Variants in TRERF1 observed in about 807,000 individuals in gnomAD.
TRERF1 encodes the protein transcriptional-regulating factor 1.
TRERF1 carries 27 observed loss-of-function variants against 122.9 expected under a neutral mutation model. That is an observed-to-expected ratio of 0.22 (90% confidence interval 0.16 to 0.30). The LOEUF (loss-of-function observed/expected upper bound fraction) is 0.30, where lower values mean the gene tolerates loss of function less well. Ranked by LOEUF, TRERF1 falls within the 10% of genes least tolerant of loss-of-function variation. TRERF1 has a pLI of 1.00. For synonymous variants in TRERF1, 636 were observed against 641.7 expected (o/e 0.99, Z 0.13); for missense variants, 1,248 against 1,560.3 (o/e 0.80, Z 3.37).
At chr6:42,281,568 G>A (rs1244269138) in intron 4 of TRERF1, among the ~76,000 whole-genome samples, 1 of 152,172 alleles carries the variant, frequency 6.6e-6, no homozygotes, top group Non-Finnish European at 1.5e-5. Context: ...TATCAACCCT[G>A]TGTGCATGGT....
Position 42,262,471 on chromosome 6 carries a change from GA to G in TRERF1, c.1884+848del, listed in dbSNP as rs1778243469. Among the ~76,000 whole-genome samples the G allele has an allele frequency of 2.0e-3, 4 of 1,954 alleles. 1 individual carries two copies. Among genetic ancestry groups the G allele is most frequent in the African/African-American group, 8.3e-3 (4 of 484 alleles). The allele number at this position is 1,954 out of a possible 152,430, so 1.3% of individuals were successfully genotyped here. ...GAGAGAGAGAGAGAGAGAGAGGAGA[GA>G]GAGAGAGAGAGAGAGAGAGAGAGAG... On this transcript the variant is annotated intron_variant, in intron 8 of 17. Transcript: ENST00000372922.
At chr6:42,246,765 T>C (rs2149628216) in intron 13 of TRERF1, among the ~76,000 whole-genome samples, 1 of 152,368 alleles carries the variant, frequency 6.6e-6, no homozygotes, top group African/African-American at 2.4e-5. Flanking sequence ...TTACTTATCC[T>C]AAGCCTGTTT....
chr6:42,287,148 G>C (rs1266663250), intron 4 of TRERF1, among the ~76,000 whole-genome samples: 1 of 116,258 alleles, frequency 8.6e-6, no homozygotes, highest in African/African-American at 3.2e-5. Flanking sequence ...GTTGTGGGGT[G>C]GGGGGAGGGG....
At chr6:42,330,526 T>C (rs59270839) in intron 3 of TRERF1, among the ~76,000 whole-genome samples, 5,670 of 152,314 alleles carry the variant, frequency 0.037, 298 homozygotes, top group East Asian at 0.21. Flanking sequence ...TTAGTTATCA[T>C]ATTTATAAAG....
At chr6:42,257,882 G>C (rs1446416722) in intron 10 of TRERF1, among the ~76,000 whole-genome samples, 2 of 152,378 alleles carry the variant, frequency 1.3e-5, no homozygotes, top group South Asian at 2.1e-4. Flanking sequence ...AGCACTGCCT[G>C]TGGAGCCAGA....
intron 9 of TRERF1, 84 bp from the exon 10 acceptor site, chr6:42,258,285 G>A: frequency 8.1e-7 from 1 of 1,235,200 alleles, no homozygotes; most frequent in East Asian, 2.4e-5. Context: ...TACCTAACCA[G>A]CCATAATAGA....
intron 2 of TRERF1, among the ~76,000 whole-genome samples, chr6:42,369,559 G>A (rs73733158): frequency 0.023 from 3,453 of 152,210 alleles, 100 homozygotes; most frequent in East Asian, 0.07. Flanking sequence ...GGTTCTACAC[G>A]TTTGCTCAGG....
At chr6:42,388,504 C>T (rs1777189625) in intron 2 of TRERF1, among the ~76,000 whole-genome samples, 1 of 152,114 alleles carries the variant, frequency 6.6e-6, no homozygotes, top group African/African-American at 2.4e-5. Context: ...GAAAATCAGA[C>T]TGCCACGAGA....
chr6:42,290,741 CTTTT>C (rs144168592), intron 4 of TRERF1, among the ~76,000 whole-genome samples: 295 of 92,378 alleles, frequency 3.2e-3, no homozygotes, highest in Middle Eastern at 8.8e-3. Flanking sequence ...CATTTCTTTC[CTTTT>C]TTTTTTTTTT....
chr6:42,258,878 G>C (rs1462610177), intron 9 of TRERF1, among the ~76,000 whole-genome samples: 4 of 152,174 alleles, frequency 2.6e-5, no homozygotes, highest in Non-Finnish European at 5.9e-5. Flanking sequence ...GGGATTACAG[G>C]TGCGTGCCAC....
chr6:42,400,272 C>T (rs746812337), intron 2 of TRERF1, among the ~76,000 whole-genome samples: 7 of 152,238 alleles, frequency 4.6e-5, no homozygotes, highest in Admixed American at 3.3e-4. Context: ...ACAGGGGTCT[C>T]GTACGGCTCC....
intron 3 of TRERF1, among the ~76,000 whole-genome samples, chr6:42,326,024 T>A (rs1446678523): frequency 6.6e-6 from 1 of 152,154 alleles, no homozygotes; most frequent in Admixed American, 6.5e-5. Flanking sequence ...GACTACAAAA[T>A]GCGGGAGGGT....
intron 3 of TRERF1, among the ~76,000 whole-genome samples, chr6:42,323,907 C>T (rs1015114666): frequency 6.6e-6 from 1 of 152,146 alleles, no homozygotes; most frequent in Non-Finnish European, 1.5e-5. Flanking sequence ...GATCTAAATG[C>T]CAGGCTCAGG....
At chr6:42,334,932 G>A (rs1027966936) in intron 3 of TRERF1, among the ~76,000 whole-genome samples, 3 of 152,184 alleles carry the variant, frequency 2.0e-5, no homozygotes, top group Non-Finnish European at 4.4e-5. Context: ...TTGGTGAGGT[G>A]ATGGGAATTG....
At chr6:42,362,732 T>C (rs949128722) in intron 3 of TRERF1, among the ~76,000 whole-genome samples, 19 of 152,190 alleles carry the variant, frequency 1.2e-4, no homozygotes, top group Non-Finnish European at 2.2e-4. Flanking sequence ...TCCATGGACA[T>C]CCATTGGATC....
At chr6:42,315,065 T>C (rs1762263950) in intron 3 of TRERF1, among the ~76,000 whole-genome samples, 1 of 152,084 alleles carries the variant, frequency 6.6e-6, no homozygotes, top group African/African-American at 2.4e-5. Context: ...CTGGCAGGGA[T>C]GAGCGTGCAT....
chr6:42,365,028 G>C (rs1772469659), intron 2 of TRERF1, among the ~76,000 whole-genome samples: 1 of 152,168 alleles, frequency 6.6e-6, no homozygotes, highest in Non-Finnish European at 1.5e-5. Flanking sequence ...CACACAGGAG[G>C]GCAGGTGGGA....
chr6:42,423,150 T>G (rs538350875), intron 2 of TRERF1, among the ~76,000 whole-genome samples: 1 of 152,324 alleles, frequency 6.6e-6, no homozygotes, highest in African/African-American at 2.4e-5. Context: ...TGGGCATCTT[T>G]TTGAACCTTC....
chr6:42,323,195 T>C (rs974101906), intron 3 of TRERF1, among the ~76,000 whole-genome samples: 2 of 97,604 alleles, frequency 2.0e-5, no homozygotes, highest in African/African-American at 1.2e-4. Context: ...TTTCCCCCAG[T>C]TTTTTTTTTT....
Sources: allele counts gnomAD v4.1 joint callset (sites outside exome capture counted in the v4.1 genomes callset), GRCh38; gene constraint gnomAD v4.1.1; transcripts MANE v1.5; gene names NCBI Gene and HGNC (gene_info 2026-07-23, HGNC 2026-07-21).